Variants in ASB4 observed in about 807,000 individuals in gnomAD.
ASB4 encodes ankyrin repeat and SOCS box containing 4.
In ASB4, 35 loss-of-function variants were observed where a neutral mutation model predicts 38.6. The observed-to-expected ratio is 0.91, with a 90% confidence interval of 0.69 to 1.20. The LOEUF (loss-of-function observed/expected upper bound fraction) is 1.20. ASB4 is among the 50% of genes most tolerant of loss of function. The pLI is 0.00. For synonymous variants in ASB4, 195 were observed against 201.3 expected (o/e 0.97, Z 0.26); for missense variants, 557 against 527.2 (o/e 1.06, Z -0.55).
intron 2 of ASB4, among the ~76,000 whole-genome samples, chr7:95,500,658 CCTT>C (rs1287269484): frequency 1.3e-5 from 2 of 151,328 alleles, no homozygotes; most frequent in East Asian, 1.9e-4. Flanking sequence ...AGCATATTCT[CCTT>C]CTTCTTTGGT....
chr7:95,534,448 C>A (rs1240705907), intron 3 of ASB4, among the ~76,000 whole-genome samples: 1 of 152,084 alleles, frequency 6.6e-6, no homozygotes, highest in Non-Finnish European at 1.5e-5. Flanking sequence ...TCCTCTATCT[C>A]TGGCTTCCAA....
intron 1 of ASB4, among the ~76,000 whole-genome samples, chr7:95,490,044 A>G: frequency 6.6e-6 from 1 of 152,250 alleles, no homozygotes; most frequent in East Asian, 1.9e-4. Flanking sequence ...AAGGTTAATC[A>G]GAGTCCTTTT....
chr7:95,509,770 T>C (rs1790455943), intron 2 of ASB4, among the ~76,000 whole-genome samples: 1 of 152,180 alleles, frequency 6.6e-6, no homozygotes, highest in African/African-American at 2.4e-5. Context: ...TGTCAGGTAC[T>C]TGAAAATAAA....
chr7:95,515,169 CTTTCTT>C (rs1562816887), intron 2 of ASB4, among the ~76,000 whole-genome samples: 1,596 of 56,096 alleles, frequency 0.028, 34 homozygotes, highest in African/African-American at 0.04. Flanking sequence ...TTCTCTTTCT[CTTTCTT>C]TCTTTCTTTC....
chr7:95,510,745 T>C (rs1790468295), intron 2 of ASB4, among the ~76,000 whole-genome samples: 1 of 152,204 alleles, frequency 6.6e-6, no homozygotes, highest in African/African-American at 2.4e-5. Context: ...ACCCACTCTC[T>C]TTAAATTCTA....
At chr7:95,515,287 T>TTCTC (rs1790559221) in intron 2 of ASB4, among the ~76,000 whole-genome samples, 1 of 120,070 alleles carries the variant, frequency 8.3e-6, no homozygotes, top group Admixed American at 9.0e-5. Flanking sequence ...CTTTCTTTCT[T>TTCTC]TCTTTCTTTC....
At chr7:95,499,001 T>C (rs1244045877) in intron 2 of ASB4, among the ~76,000 whole-genome samples, 1 of 152,200 alleles carries the variant, frequency 6.6e-6, no homozygotes, top group Admixed American at 6.5e-5. Flanking sequence ...CATTGACCTA[T>C]ATATCTTTTT....
rs1296073892 is a variant in ASB4, at chr7:95,537,979, A to C, written c.*220A>C. On this transcript the variant is annotated 3_prime_UTR_variant, in exon 5 of 5. Transcript: ENST00000325885. ...AAAGACAAGGATGTATTCAGAATGT[A>C]CTGATAGAACAGTAATAACTAATAT... 2.0e-6 allele frequency: 1 copy of C among 506,552 alleles called. No homozygotes were observed. Among genetic ancestry groups the C allele is most frequent in the African/African-American group, 1.9e-5 (1 of 52,704 alleles). 31.4% of individuals were successfully genotyped at this position (506,552 alleles called of 1,614,324 possible). A position where few individuals can be genotyped will look rare whatever the true frequency, so the allele number is the denominator to read the frequency against.
intron 1 of ASB4, among the ~76,000 whole-genome samples, chr7:95,480,115 G>C (rs6950550): frequency 0.36 from 53,975 of 152,010 alleles, 10,170 homozygotes; most frequent in East Asian, 0.73. Context: ...TTTCTTACTT[G>C]TTGGTCCACA....
chr7:95,508,602 C>T (rs1053176010), intron 2 of ASB4, among the ~76,000 whole-genome samples: 4 of 152,066 alleles, frequency 2.6e-5, no homozygotes, highest in African/African-American at 9.7e-5. Context: ...ACAGGTGGCA[C>T]AGGTGGTTTT....
Position 95,533,400 on chromosome 7 carries a change from C to G in ASB4, c.979-3037C>G, listed in dbSNP as rs563953162. On this transcript the variant is annotated intron_variant, in intron 3 of 4. Coordinates refer to ENST00000325885, the MANE Select transcript of ASB4 (RefSeq NM_016116.3). ...CTCTTCGTGCTGTGACACCAAGGGT[C>G]TTAAAGATGAGGACAGGGCAGCCCT... 2.4e-4 allele frequency among the ~76,000 whole-genome samples: 37 copies of G among 152,276 alleles called. No individual in the cohort carries two copies. In the South Asian group the frequency reaches 7.5e-3, roughly 31 times the overall value.
chr7:95,535,663 C>A (rs1790880941), intron 3 of ASB4, among the ~76,000 whole-genome samples: 1 of 152,204 alleles, frequency 6.6e-6, no homozygotes, highest in South Asian at 2.1e-4. Flanking sequence ...GAAGGAGATT[C>A]TGGCCATCTT....
intron 2 of ASB4, among the ~76,000 whole-genome samples, chr7:95,500,827 C>A (rs909877492): frequency 6.6e-6 from 1 of 152,150 alleles, no homozygotes; most frequent in African/African-American, 2.4e-5. Flanking sequence ...TTCCTCTGAT[C>A]TCCAACTGTA....
intron 2 of ASB4, among the ~76,000 whole-genome samples, chr7:95,508,712 T>C (rs1014598697): frequency 6.6e-6 from 1 of 152,088 alleles, no homozygotes; most frequent in South Asian, 2.1e-4. Context: ...AGATAGATGC[T>C]ATGAAGAGAT....
downstream of ASB4, among the ~76,000 whole-genome samples, chr7:95,544,775 A>G (rs1194997574): frequency 6.6e-6 from 1 of 151,932 alleles, no homozygotes; most frequent in Non-Finnish European, 1.5e-5. Flanking sequence ...GCTCACTGCA[A>G]CCTCCGCTTC....
intron 1 of ASB4, among the ~76,000 whole-genome samples, chr7:95,479,352 A>G (rs1315482026): frequency 6.6e-6 from 1 of 152,244 alleles, no homozygotes; most frequent in Non-Finnish European, 1.5e-5. Context: ...ATGCTTCACA[A>G]TATGCAAAGT....
Position 95,536,445 on chromosome 7 carries a change from G to A in ASB4, c.987G>A (p.Gln329=), listed in dbSNP as rs771031112. 6.2e-7 allele frequency: 1 copy of A among 1,608,124 alleles called. No homozygotes were observed. Among genetic ancestry groups the A allele is most frequent in the East Asian group, 2.2e-5 (1 of 44,828 alleles). The stretch of plus-strand genomic sequence containing the variant: ...CTGTGCTTCCTCTGCAGGTGATACA[G>A]GCCTGCCATTCTTGTCCTAAAGCAA... ...IYPPQFHKVI[Q]ACHSCPKAIE... is the part of the protein sequence containing the mutation. The change falls in exon 4 of 5, where the codon CAG becomes CAA. Residue 329 remains glutamine, a synonymous_variant. Transcript: ENST00000325885.
chr7:95,518,078 TA>T (rs1285059076), intron 2 of ASB4, among the ~76,000 whole-genome samples: 2 of 152,140 alleles, frequency 1.3e-5, no homozygotes, highest in Non-Finnish European at 2.9e-5. Context: ...AGAGAGAAGG[TA>T]AAGATGCTGA....
At chr7:95,501,781 ACC>A (rs1228424872) in intron 2 of ASB4, among the ~76,000 whole-genome samples, 1 of 152,090 alleles carries the variant, frequency 6.6e-6, no homozygotes, top group Admixed American at 6.5e-5. Flanking sequence ...GAGGGAGACT[ACC>A]TAGAGATGAG....
Sources: gnomAD v4.1 joint callset for allele counts (sites outside exome capture counted in the v4.1 genomes callset) on GRCh38, gnomAD v4.1.1 for gene constraint, MANE v1.5 for transcripts, NCBI Gene and HGNC (gene_info 2026-07-23, HGNC 2026-07-21) for gene names.